The following AHI1 variants were observed in gnomAD, a reference collection of about 807,000 sequenced individuals.
AHI1 encodes Abelson helper integration site 1.
AHI1 carries 123 observed loss-of-function variants against 149.3 expected under a neutral mutation model. The ratio of observed to expected loss-of-function variants is 0.82; its 90% CI spans 0.71 to 0.96. The LOEUF (loss-of-function observed/expected upper bound fraction) is 0.96, where lower values mean the gene tolerates loss of function less well. AHI1 is among the 40% of genes least tolerant of loss of function. AHI1 has a pLI of 0.00. For synonymous variants in AHI1, 475 were observed against 459.8 expected (o/e 1.03, Z -0.42); for missense variants, 1,439 against 1,422.7 (o/e 1.01, Z -0.18).
chr6:135,482,026 A>G (rs1350776966), intron 5 of AHI1, among the ~76,000 whole-genome samples: 1 of 151,930 alleles, frequency 6.6e-6, no homozygotes, highest in Non-Finnish European at 1.5e-5. Context: ...CTTCATTTTC[A>G]GAAACTGTAG....
intron 27 of AHI1, among the ~76,000 whole-genome samples, chr6:135,293,282 G>T (rs1430763172): frequency 6.7e-6 from 1 of 149,668 alleles, no homozygotes; most frequent in Non-Finnish European, 1.5e-5. Flanking sequence ...CATGGTAAAA[G>T]ATCAAATGCT....
rs762442838 is a variant in AHI1, at chr6:135,318,696, A to C, written c.3329-80T>G. ...GGGAAAAACAACGATGGTAGGGGCA[A>C]ATATGAAATTAAAGAAATCGATATT... is the stretch of plus-strand genomic sequence containing the variant. On this transcript the variant is annotated intron_variant, in intron 25 of 28. Transcript: ENST00000265602. 3.0e-5 allele frequency: 23 copies of C among 773,944 alleles called. No homozygotes were observed. The African/African-American group carries it at 3.9e-4, about 13-fold the overall frequency. 47.9% of individuals were successfully genotyped at this position (773,944 alleles called of 1,614,324 possible). A position where few individuals can be genotyped will look rare whatever the true frequency, so the allele number is the denominator to read the frequency against.
chr6:135,484,657 C>G (rs1250453527), intron 5 of AHI1, among the ~76,000 whole-genome samples: 1 of 151,164 alleles, frequency 6.6e-6, no homozygotes, highest in Non-Finnish European at 1.5e-5. Context: ...TGTAGCTGCT[C>G]AATAAGTATT....
At position 135,431,306 on chromosome 6, in the gene AHI1, T is replaced by C; in HGVS notation, c.2275A>G (p.Met759Val). The change falls in exon 17 of 29, where the codon ATG becomes GTG. Residue 759 changes from methionine to valine, a missense_variant. Coordinates refer to ENST00000265602, the MANE Select transcript of AHI1 (RefSeq NM_001134831.2). ...ACCCCTGTACAATCTCCTGAATACA[T>C]ATGATGACCTATTTAAAAAAATAAG... is the stretch of plus-strand genomic sequence containing the variant. Reference protein sequence around the residue: ...SLCFDTEGHHMYSGDCTGVIV... With the variant: ...SLCFDTEGHHVYSGDCTGVIV... 1 of 1,580,156 alleles carries C rather than the reference T, an allele frequency of 6.3e-7. No individual in the cohort carries two copies. Among genetic ancestry groups the C allele is most frequent in the East Asian group, 2.3e-5 (1 of 44,310 alleles).
Position 135,378,238 on chromosome 6 carries a change from A to AAT in AHI1, c.3109+16536_3109+16537dup, listed in dbSNP as rs373394664. ...ACCTTCTTGGGCTATGCCAGTCTTT[A>AAT]ATAATCTGTATTATTTATTCCCAAA... On this transcript the variant is annotated intron_variant, in intron 23 of 28. Coordinates refer to ENST00000265602, the MANE Select transcript of AHI1 (RefSeq NM_001134831.2). Among the ~76,000 whole-genome samples, 308 of 152,314 alleles carry AAT rather than the reference A, an allele frequency of 2.0e-3. 1 individual carries two copies. The highest frequency in any genetic ancestry group is 7.1e-3 in the African/African-American group (295 of 41,572).
chr6:135,307,980 G>A (rs1384249919), intron 26 of AHI1, among the ~76,000 whole-genome samples: 6 of 152,100 alleles, frequency 3.9e-5, no homozygotes, highest in African/African-American at 1.4e-4. Flanking sequence ...CAACAGTGCC[G>A]AGGTTGAGAA....
chr6:135,474,267 T>C (rs1015799080), intron 5 of AHI1, among the ~76,000 whole-genome samples: 1 of 152,220 alleles, frequency 6.6e-6, no homozygotes, highest in Non-Finnish European at 1.5e-5. Context: ...ACATAGACGA[T>C]TATGTCATTT....
In AHI1 at chr6:135,323,194, C is replaced by T; in HGVS notation, c.3296G>A (p.Gly1099Asp). 1.2e-6 allele frequency: 2 copies of T among 1,611,764 alleles called. No individual in the cohort carries two copies. The highest frequency in any genetic ancestry group is 2.2e-5 in the South Asian group (2 of 90,734). ...AGCCACATGATTAGCTGGAAAATAACCTTCCTGTCCCTTTCCTATGCTGCC... is the reference window on the plus strand; with the variant it reads ...AGCCACATGATTAGCTGGAAAATAATCTTCCTGTCCCTTTCCTATGCTGCC... ...WYGSIGKGQE[G>D]YFPANHVASE... Residue 1099 changes from glycine (G) to aspartate (D), a missense_variant, in exon 25 of 29, where the codon GGT becomes GAT. Coordinates refer to ENST00000265602, the MANE Select transcript of AHI1 (RefSeq NM_001134831.2).
rs1216545988 is a variant in AHI1 at position 135,363,187 on chromosome 6, A to G, written c.3110-5000T>C. Among the ~76,000 whole-genome samples, 33 of 151,026 alleles carry G rather than the reference A, an allele frequency of 2.2e-4. No individual in the cohort carries two copies. The East Asian group carries it at 5.8e-3, about 27-fold the overall frequency. On this transcript the variant is annotated intron_variant, in intron 23 of 28. Transcript: ENST00000265602. ...GGTCTCTGGTTTTCCTAGGCAGAGG[A>G]CCCTGCGGCCTTCCGCAGTGTTTGT...
At chr6:135,440,691 ATCTCTGTCTAACCACAACGGTGG>A (rs1256729298) in intron 14 of AHI1, among the ~76,000 whole-genome samples, 5 of 152,136 alleles carry the variant, frequency 3.3e-5, no homozygotes, top group Admixed American at 6.6e-5. Context: ...GTATTTAAAA[ATCTCTGTCTAACCACAACGGTGG>A]TCTCTGTCTG....
chr6:135,412,160 T>TA (rs1169067206), intron 20 of AHI1, among the ~76,000 whole-genome samples: 1 of 152,014 alleles, frequency 6.6e-6, no homozygotes, highest in Non-Finnish European at 1.5e-5. Context: ...CAACTATGGA[T>TA]AAAAAATATT....
intron 5 of AHI1, among the ~76,000 whole-genome samples, chr6:135,480,452 T>C (rs928864125): frequency 6.6e-6 from 1 of 151,308 alleles, no homozygotes; most frequent in Admixed American, 6.6e-5. Flanking sequence ...AGCAAGACCC[T>C]GTCTTAAAAA....
chr6:135,368,580 G>A (rs777107963), intron 23 of AHI1, among the ~76,000 whole-genome samples: 8 of 152,178 alleles, frequency 5.3e-5, no homozygotes, highest in Non-Finnish European at 8.8e-5. Context: ...TGCAACTGCT[G>A]TGTGGGATGG....
At chr6:135,453,307 G>T in intron 11 of AHI1, 34 bp downstream of exon 11, 2 of 1,483,782 alleles carry the variant, frequency 1.3e-6, no homozygotes, top group Non-Finnish European at 1.8e-6. Flanking sequence ...TTGAAGACTA[G>T]TTTTAAAGTG....
intron 3 of AHI1, among the ~76,000 whole-genome samples, chr6:135,493,191 G>A (rs1795498588): frequency 1.3e-5 from 2 of 151,992 alleles, no homozygotes; most frequent in South Asian, 4.2e-4. Flanking sequence ...TAGAGACAGG[G>A]TTTCATCATG....
chr6:135,459,740 TAA>T (rs58235668), intron 8 of AHI1, among the ~76,000 whole-genome samples: 1,567 of 118,540 alleles, frequency 0.013, 7 homozygotes, highest in East Asian at 0.03. Context: ...CTGACAGAAG[TAA>T]AAAAAAAAAA....
At chr6:135,376,367 G>T (rs1775913522) in intron 23 of AHI1, among the ~76,000 whole-genome samples, 1 of 152,194 alleles carries the variant, frequency 6.6e-6, no homozygotes, top group East Asian at 1.9e-4. Context: ...ACAAAGAAAA[G>T]AAAATTAATT....
intron 27 of AHI1, among the ~76,000 whole-genome samples, chr6:135,293,956 T>C (rs1387428114): frequency 6.6e-6 from 1 of 152,182 alleles, no homozygotes; most frequent in Non-Finnish European, 1.5e-5. Context: ...GGACTAATAT[T>C]ACCTGATTTC....
At chr6:135,296,063 C>T (rs1026736863) in intron 27 of AHI1, among the ~76,000 whole-genome samples, 1 of 152,096 alleles carries the variant, frequency 6.6e-6, no homozygotes, top group East Asian at 1.9e-4. Flanking sequence ...CCATGTTGGC[C>T]AGGCTGGTCT....
Sources: allele counts gnomAD v4.1 joint callset (sites outside exome capture counted in the v4.1 genomes callset), GRCh38; gene constraint gnomAD v4.1.1; transcripts MANE v1.5; gene names NCBI Gene and HGNC (gene_info 2026-07-23, HGNC 2026-07-21).